The following PRR14L variants were observed in gnomAD, a reference collection of about 807,000 sequenced individuals.
PRR14L encodes proline rich 14 like.
Under a neutral mutation model 155.0 loss-of-function variants are expected in PRR14L, and 80 were observed. The ratio of observed to expected loss-of-function variants is 0.52; its 90% CI spans 0.43 to 0.62. The LOEUF (loss-of-function observed/expected upper bound fraction) is 0.62, where lower values mean the gene tolerates loss of function less well. Among genes scored for constraint, PRR14L ranks in the 20% least tolerant of loss-of-function variants. The pLI, the probability that PRR14L is intolerant of heterozygous loss-of-function variation, is 0.00. For synonymous variants in PRR14L, 883 were observed against 916.0 expected, an observed-to-expected ratio of 0.96 and a Z score of 0.65; for missense variants, 2,469 against 2,548.0, an observed-to-expected ratio of 0.97 and a Z score of 0.67.
chr22:31,733,417 G>A (rs1180409183), intron 2 of PRR14L, among the ~76,000 whole-genome samples: 1 of 104,782 alleles, frequency 9.5e-6, no homozygotes, highest in East Asian at 3.3e-4. Flanking sequence ...CGATTCTCCC[G>A]CCTCAGCCTC....
At position 31,704,729 on chromosome 22, in the gene PRR14L, AAAGT is replaced by A; in HGVS notation, c.5757-7_5757-4del. 6.2e-7 allele frequency: 1 copy of A among 1,613,268 alleles called. No individual in the cohort carries two copies. Among genetic ancestry groups the A allele is most frequent in the Non-Finnish European group, 8.5e-7 (1 of 1,179,276 alleles). ...GCACATATGGTAACATGGTGTGGCT[AAAGT>A]AAAGCAAAAGTACAAAAGCAATAGG... On this transcript the variant is annotated splice_polypyrimidine_tract_variant and splice_region_variant and intron_variant, in intron 4 of 8. Transcript: ENST00000327423.
chr22:31,701,832 A>C (rs1311824790), intron 6 of PRR14L, 70 bp from the exon 7 acceptor site: 2 of 1,227,306 alleles, frequency 1.6e-6, no homozygotes, highest in African/African-American at 3.0e-5. Flanking sequence ...TTTTGAGACA[A>C]GGTCTCACTC....
chr22:31,725,464 T>G, intron 3 of PRR14L, 74 bp downstream of exon 3: 3 of 996,340 alleles, frequency 3.0e-6, no homozygotes, highest in East Asian at 2.6e-5. Context: ...ATATTCTCAA[T>G]GCAAAATGGA....
At chr22:31,728,476 G>A (rs899902864) in intron 2 of PRR14L, among the ~76,000 whole-genome samples, 2 of 152,000 alleles carry the variant, frequency 1.3e-5, no homozygotes, top group African/African-American at 4.8e-5. Flanking sequence ...AGCTGGGCAT[G>A]GTGGCGGGTG....
intron 8 of PRR14L, among the ~76,000 whole-genome samples, chr22:31,686,673 A>G (rs561136831): frequency 1.5e-4 from 23 of 152,088 alleles, no homozygotes; most frequent in African/African-American, 5.3e-4. Flanking sequence ...GGCTCCAGTG[A>G]TCCTCCCTCC....
chr22:31,688,268 CTCTTT>C, intron 7 of PRR14L, 41 bp from the exon 8 acceptor site: 1 of 1,520,194 alleles, frequency 6.6e-7, no homozygotes, highest in Non-Finnish European at 8.8e-7. Context: ...GGTTCTCTCT[CTCTTT>C]TTTTTTTCAG....
At position 31,714,775 on chromosome 22, in the gene PRR14L, T is replaced by C; in HGVS notation, c.3064A>G (p.Asn1022Asp). 2.6e-6 allele frequency: 4 copies of C among 1,552,376 alleles called. No individual in the cohort carries two copies. The highest frequency in any genetic ancestry group is 8.7e-7 in the Non-Finnish European group (1 of 1,147,138). Residue 1022 changes from asparagine to aspartate, a missense_variant, in exon 4 of 9, where the codon AAT (asparagine) becomes GAT (aspartate). Around this residue, in one of 2 missense-constraint regions of PRR14L, gnomAD observed 2,363 missense variants for 2,371.6 expected, o/e 1.00. Transcript: ENST00000327423. ...GGACTACCACAAGGTAGTGAGTTAT[T>C]ACTGCCTGAGCTGACCAGCAGATCC... is the stretch of plus-strand genomic sequence containing the variant. ...QKDLLVSSGS[N>D]NSLPCGSPKK...
chr22:31,716,863 T>C lies in PRR14L; in HGVS notation c.976A>G (p.Thr326Ala). ...CTTGTGGCTGTGGGACTATCATGTG[T>C]AGAACTGGGTTGTTCATTATGGTGG... Reference protein sequence around the residue: ...HGHHNEQPSSTHDSPTATSPL... With the variant: ...HGHHNEQPSSAHDSPTATSPL... The change falls in exon 4 of 9, where the codon ACA becomes GCA. Residue 326 changes from threonine (T) to alanine (A), a missense_variant. Around this residue, in one of 2 missense-constraint regions of PRR14L, gnomAD observed 2,363 missense variants for 2,371.6 expected, o/e 1.00. Transcript: ENST00000327423. 2 of 1,551,978 alleles carry C rather than the reference T, an allele frequency of 1.3e-6. No homozygotes were observed. Among genetic ancestry groups the C allele is most frequent in the Non-Finnish European group, 1.7e-6 (2 of 1,147,038 alleles).
intron 2 of PRR14L, among the ~76,000 whole-genome samples, chr22:31,728,369 T>G (rs145249530): frequency 6.6e-6 from 1 of 152,034 alleles, no homozygotes; most frequent in Non-Finnish European, 1.5e-5. Context: ...TCCCAGCACT[T>G]TGGGAGGCCG....
chr22:31,731,040 T>G (rs2074746205), intron 2 of PRR14L, among the ~76,000 whole-genome samples: 1 of 152,180 alleles, frequency 6.6e-6, no homozygotes, highest in Non-Finnish European at 1.5e-5. Context: ...CCTTCTGATA[T>G]ATCCCCATAA....
chr22:31,715,103 T>G lies in PRR14L; in HGVS notation c.2736A>C (p.Lys912Asn). The G allele has an allele frequency of 6.4e-7, 1 of 1,551,876 alleles. No homozygotes were observed. The highest frequency in any genetic ancestry group is 8.7e-7 in the Non-Finnish European group (1 of 1,147,010). ...GLEGKEQDVS[K>N]ETVFCKYNIS... is the part of the protein sequence containing the mutation. ...TGTTATACTTACAAAATACAGTTTC[T>G]TTGGATACATCCTGCTCCTTTCCTT... Residue 912 changes from lysine (K) to asparagine (N), a missense_variant, in exon 4 of 9, where the codon AAA becomes AAC. Physicochemically the swap from Lys to Asn is moderately conservative, Grantham distance 94. Around this residue, in one of 2 missense-constraint regions of PRR14L, gnomAD observed 2,363 missense variants for 2,371.6 expected, o/e 1.00. Coordinates refer to ENST00000327423, the MANE Select transcript of PRR14L (RefSeq NM_173566.3).
At position 31,735,424 on chromosome 22, in the gene PRR14L, G is replaced by GA. The variant is rs1223844179; in HGVS notation, c.474+2962dup. 4.1e-5 allele frequency among the ~76,000 whole-genome samples: 6 copies of GA among 147,310 alleles called. No homozygotes were observed. In the Admixed American group the frequency reaches 4.1e-4, roughly 10 times the overall value. ...CCATTGCACTCCAGCCTGGGTGACA[G>GA]AGCAAGAATCTGTCTCAAAAAAAAA... On this transcript the variant is annotated intron_variant, in intron 2 of 8. Coordinates refer to ENST00000327423, the MANE Select transcript of PRR14L (RefSeq NM_173566.3).
chr22:31,746,732 T>C (rs892093046), intron 1 of PRR14L, among the ~76,000 whole-genome samples: 4 of 152,148 alleles, frequency 2.6e-5, no homozygotes, highest in Non-Finnish European at 5.9e-5. Flanking sequence ...GAAATTCTTT[T>C]ACGTTGAGGA....
Position 31,713,819 on chromosome 22 carries a change from C to T in PRR14L, c.4020G>A (p.Glu1340=). The change falls in exon 4 of 9, where the codon GAG becomes GAA. Residue 1340 remains glutamate, a synonymous_variant. Coordinates refer to ENST00000327423, the MANE Select transcript of PRR14L (RefSeq NM_173566.3). The stretch of plus-strand genomic sequence containing the variant: ...AGTAACCCAGTCGTCCCCTCTGATG[C>T]TCTTCGGTTTCTTCTCCTTTCACTT... The part of the protein sequence containing the change: ...DIKVKGEETE[E]HQRGRLGYLT... 1.3e-6 allele frequency: 2 copies of T among 1,552,374 alleles called. No homozygotes were observed. Among genetic ancestry groups the T allele is most frequent in the Non-Finnish European group, 1.7e-6 (2 of 1,147,150 alleles).
Position 31,713,883 on chromosome 22 carries a change from G to C in PRR14L, c.3956C>G (p.Ser1319Cys). 1 of 1,552,110 alleles carries C rather than the reference G, an allele frequency of 6.4e-7. No homozygotes were observed. The highest frequency in any genetic ancestry group is 1.4e-5 in the African/African-American group (1 of 73,160). Residue 1319 changes from serine to cysteine, a missense_variant, in exon 4 of 9, where the codon TCT (serine) becomes TGT (cysteine). By Grantham distance (112) the Ser-to-Cys change is moderately radical. Coordinates refer to ENST00000327423, the MANE Select transcript of PRR14L (RefSeq NM_173566.3). Reference protein sequence around the residue: ...CKACHPHENSSDRHLPLTVKT... With the variant: ...CKACHPHENSCDRHLPLTVKT... ...CACTGTCAAAGGCAAATGTCTGTCA[G>C]AGGAATTCTCGTGAGGGTGACAAGC...
At chr22:31,702,060 C>A (rs967867252) in intron 6 of PRR14L, among the ~76,000 whole-genome samples, 2 of 152,010 alleles carry the variant, frequency 1.3e-5, no homozygotes, top group Non-Finnish European at 2.9e-5. Context: ...TCAGCCTCTG[C>A]GGTAGCTAGG....
Position 31,690,232 on chromosome 22 carries a change from A to T in PRR14L, c.6108-2005T>A, listed in dbSNP as rs1196619683. On this transcript the variant is annotated intron_variant, in intron 7 of 8. Transcript: ENST00000327423. ...ATGCCCAGCTGTAACTTTCTGTAGT[A>T]GAGATGGGGTTTTATCACGTTGGCC... is the stretch of plus-strand genomic sequence containing the variant. 2.1e-5 allele frequency among the ~76,000 whole-genome samples: 3 copies of T among 146,320 alleles called. No homozygotes were observed. The East Asian group carries it at 6.1e-4, about 30-fold the overall frequency.
chr22:31,716,228 G>A lies in PRR14L; in HGVS notation c.1611C>T (p.Tyr537=), dbSNP rs2074658431. The change falls in exon 4 of 9, where the codon TAC becomes TAT. Residue 537 remains tyrosine, a synonymous_variant. Transcript: ENST00000327423. The part of the protein sequence containing the change: ...VEPNILSKSF[Y]TKDCNSLVSI... ...TGACTAAGGAGTTACAGTCTTTAGT[G>A]TAAAAAGATTTACTTAATATATTGG... 2 of 1,551,148 alleles carry A rather than the reference G, an allele frequency of 1.3e-6. No homozygotes were observed. Among genetic ancestry groups the A allele is most frequent in the South Asian group, 1.2e-5 (1 of 84,060 alleles).
chr22:31,685,395 AT>A lies in PRR14L; in HGVS notation c.*131del. 1.4e-6 allele frequency: 1 copy of A among 725,270 alleles called. No homozygotes were observed. The highest frequency in any genetic ancestry group is 2.2e-6 in the Non-Finnish European group (1 of 451,442). The allele number at this position is 725,270 out of a possible 1,614,324, so 44.9% of individuals were successfully genotyped here. ...ATAGGTAAAAATTCATGGACTGTGC[AT>A]TTTTGAGTGGTTTGGCGGTAGGGCA... On this transcript the variant is annotated 3_prime_UTR_variant, in exon 9 of 9. Transcript: ENST00000327423.
Sources: gnomAD v4.1 joint callset for allele counts (sites outside exome capture counted in the v4.1 genomes callset) on GRCh38, gnomAD v4.1.1 for gene constraint, gnomAD v4.1.1 regional missense constraint, MANE v1.5 for transcripts, NCBI Gene and HGNC (gene_info 2026-07-23, HGNC 2026-07-21) for gene names.